ZMAT4: variants seen among roughly 807,000 people sequenced by gnomAD.
The protein encoded by ZMAT4 is zinc finger matrin-type protein 4.
A neutral mutation model predicts 28.7 loss-of-function variants in ZMAT4; 17 were observed. The observed-to-expected ratio is 0.59, with a 90% CI of 0.41 to 0.89. The LOEUF is 0.89. ZMAT4 is among the 40% of genes least tolerant of loss of function. The probability of loss-of-function intolerance (pLI) is 0.00; values close to 1 mark genes in which losing one functional copy is unlikely to be tolerated. For synonymous variants in ZMAT4, 117 were observed against 109.2 expected (o/e 1.07, Z -0.44); for missense variants, 240 against 283.8 (o/e 0.85, Z 1.11).
chr8:40,616,076 G>A (rs1424114329), intron 5 of ZMAT4, among the ~76,000 whole-genome samples: 2 of 152,292 alleles, frequency 1.3e-5, no homozygotes, highest in South Asian at 2.1e-4. Context: ...AGTGGGCAAA[G>A]GATATGAACA....
intron 3 of ZMAT4, among the ~76,000 whole-genome samples, chr8:40,725,144 A>G (rs573489758): frequency 1.3e-5 from 2 of 152,294 alleles, no homozygotes; most frequent in East Asian, 3.9e-4. Flanking sequence ...TAGGCATTAG[A>G]GTTGTGCTTC....
chr8:40,609,585 G>T (rs142838304), intron 5 of ZMAT4, among the ~76,000 whole-genome samples: 1 of 152,220 alleles, frequency 6.6e-6, no homozygotes, highest in Non-Finnish European at 1.5e-5. Flanking sequence ...TCTAATATTG[G>T]CCAAGCTGTC....
intron 5 of ZMAT4, among the ~76,000 whole-genome samples, chr8:40,661,513 CACTT>C (rs1808195653): frequency 6.6e-6 from 1 of 152,238 alleles, no homozygotes; most frequent in Non-Finnish European, 1.5e-5. Context: ...AGTTCACAAT[CACTT>C]AGAGAATCCC....
chr8:40,896,255 C>T (rs1195861808), intron 1 of ZMAT4, among the ~76,000 whole-genome samples: 1 of 152,190 alleles, frequency 6.6e-6, no homozygotes, highest in Non-Finnish European at 1.5e-5. Flanking sequence ...TCTGCATCTC[C>T]GTGGAAGGGT....
chr8:40,801,351 A>AAATATATATATATATATATATAT (rs370796453), intron 2 of ZMAT4, among the ~76,000 whole-genome samples: 3 of 97,254 alleles, frequency 3.1e-5, no homozygotes, highest in African/African-American at 1.1e-4. Flanking sequence ...TAAAAAAAAA[A>AAATATATATATATATATATATAT]ATATATATAT....
intron 3 of ZMAT4, among the ~76,000 whole-genome samples, chr8:40,730,256 A>G (rs1044651337): frequency 6.6e-6 from 1 of 152,190 alleles, no homozygotes; most frequent in African/African-American, 2.4e-5. Context: ...TTCCTGCTTC[A>G]ATAATGCTGA....
At position 40,849,046 on chromosome 8, in the gene ZMAT4, C is replaced by T. The variant is rs548192053; in HGVS notation, c.-4-23366G>A. Among the ~76,000 whole-genome samples, 6 of 152,358 alleles carry T rather than the reference C, an allele frequency of 3.9e-5. No homozygotes were observed. The South Asian group carries it at 1.2e-3, about 32-fold the overall frequency. On this transcript the variant is annotated intron_variant, in intron 1 of 6. Coordinates refer to ENST00000297737, the MANE Select transcript of ZMAT4 (RefSeq NM_024645.3). Reference sequence around the variant, plus strand: ...TGCGGGAGGACAAGCTGCTGTCAGGCTGGAGGTGCCGTCCCATCCCATGCC... The same window carrying T: ...TGCGGGAGGACAAGCTGCTGTCAGGTTGGAGGTGCCGTCCCATCCCATGCC...
In ZMAT4 at chr8:40,801,341, TAAA is replaced by T. The variant is rs201742506; in HGVS notation, c.102+24231_102+24233del. 2.0e-3 allele frequency among the ~76,000 whole-genome samples: 230 copies of T among 114,510 alleles called. 1 individual carries two copies. The highest frequency in any genetic ancestry group is 0.012 in the East Asian group (53 of 4,342). The allele number at this position is 114,510 out of a possible 152,430, so 75.1% of individuals were successfully genotyped here. On this transcript the variant is annotated intron_variant, in intron 2 of 6. Transcript: ENST00000297737. Reference sequence around the variant, plus strand: ...GGTGTCTTTCAGATGATACTTTCTTTAAAAAAAAAAATATATATATATATATAT... The same window carrying T: ...GGTGTCTTTCAGATGATACTTTCTTTAAAAAAAATATATATATATATATAT...
intron 4 of ZMAT4, among the ~76,000 whole-genome samples, chr8:40,682,017 T>C (rs1165634777): frequency 6.6e-6 from 1 of 152,118 alleles, no homozygotes; most frequent in African/African-American, 2.4e-5. Context: ...AAACTTTATA[T>C]AACTATAACT....
intron 5 of ZMAT4, among the ~76,000 whole-genome samples, chr8:40,659,543 T>G (rs1390758162): frequency 6.6e-6 from 1 of 152,172 alleles, no homozygotes; most frequent in Non-Finnish European, 1.5e-5. Context: ...AATAAACCTT[T>G]TTTTGTGGTC....
intron 1 of ZMAT4, among the ~76,000 whole-genome samples, chr8:40,857,711 A>C (rs1466690983): frequency 1.3e-5 from 2 of 152,222 alleles, no homozygotes; most frequent in Admixed American, 1.3e-4. Flanking sequence ...TGTCCCCAAA[A>C]AGGCTCATAT....
Position 40,531,217 on chromosome 8 carries a change from C to G in ZMAT4, c.*1006G>C, listed in dbSNP as rs764589807. ...ATCAGAAAGGAACTGTTTTCTTTAT[C>G]GGTCATGCTCTTTCCAGAGTGACTG... On this transcript the variant is annotated 3_prime_UTR_variant, in exon 7 of 7. Transcript: ENST00000297737. 1.3e-5 allele frequency: 2 copies of G among 152,148 alleles called. No homozygotes were observed. Among genetic ancestry groups the G allele is most frequent in the African/African-American group, 4.8e-5 (2 of 41,432 alleles). The allele number at this position is 152,148 out of a possible 1,614,324, so 9.4% of individuals were successfully genotyped here. A position where few individuals can be genotyped will look rare whatever the true frequency, so the allele number is the denominator to read the frequency against.
At chr8:40,734,537 G>A (rs1051110285) in intron 3 of ZMAT4, among the ~76,000 whole-genome samples, 11 of 152,168 alleles carry the variant, frequency 7.2e-5, no homozygotes, top group Admixed American at 1.3e-4. Context: ...AAGTACAACC[G>A]AGCGGAGAGA....
intron 6 of ZMAT4, among the ~76,000 whole-genome samples, chr8:40,542,369 A>G (rs1803064393): frequency 6.6e-6 from 1 of 151,890 alleles, no homozygotes; most frequent in Non-Finnish European, 1.5e-5. Flanking sequence ...TTTTTAATTT[A>G]ATTTTGTTTT....
chr8:40,774,287 G>A (rs1312962440), intron 2 of ZMAT4, among the ~76,000 whole-genome samples: 3 of 152,120 alleles, frequency 2.0e-5, no homozygotes, highest in Non-Finnish European at 2.9e-5. Flanking sequence ...ATTCATCCAA[G>A]TGCTACCTTA....
At chr8:40,637,092 T>A (rs1221939339) in intron 5 of ZMAT4, among the ~76,000 whole-genome samples, 5 of 148,362 alleles carry the variant, frequency 3.4e-5, no homozygotes, top group Admixed American at 6.7e-5. Context: ...GAAATAGATT[T>A]TAAAAAAAAA....
intron 2 of ZMAT4, among the ~76,000 whole-genome samples, chr8:40,790,706 C>G (rs1814290039): frequency 6.6e-6 from 1 of 152,150 alleles, no homozygotes; most frequent in Non-Finnish European, 1.5e-5. Flanking sequence ...TGTCAATTAT[C>G]TGACAAGTTA....
intron 6 of ZMAT4, among the ~76,000 whole-genome samples, chr8:40,552,767 T>A (rs1803404409): frequency 1.3e-5 from 2 of 152,122 alleles, no homozygotes; most frequent in African/African-American, 4.8e-5. Context: ...CTCTTTAACT[T>A]TGACTATAGC....
At chr8:40,696,348 T>C (rs1374965899) in intron 4 of ZMAT4, among the ~76,000 whole-genome samples, 2 of 152,170 alleles carry the variant, frequency 1.3e-5, no homozygotes, top group African/African-American at 2.4e-5. Flanking sequence ...CAAAATGCCA[T>C]TTACAAAATA....
Sources: gnomAD v4.1 joint callset for allele counts (sites outside exome capture counted in the v4.1 genomes callset) on GRCh38, gnomAD v4.1.1 for gene constraint, MANE v1.5 for transcripts, NCBI Gene and HGNC (gene_info 2026-07-23, HGNC 2026-07-21) for gene names.